RBM46: variants seen among roughly 807,000 people sequenced by gnomAD.
RBM46 encodes the protein probable RNA-binding protein 46.
RBM46 carries 12 observed loss-of-function variants against 43.3 expected under a neutral mutation model. The observed-to-expected ratio is 0.28, with a 90% CI of 0.18 to 0.45. The LOEUF is 0.45. Among genes scored for constraint, RBM46 ranks in the 20% least tolerant of loss-of-function variants. The probability of loss-of-function intolerance (pLI) is 1.00; values close to 1 mark genes in which losing one functional copy is unlikely to be tolerated. For synonymous variants in RBM46, 205 were observed against 207.6 expected (o/e 0.99, Z 0.11); for missense variants, 412 against 639.1 (o/e 0.64, Z 3.83).
chr4:154,817,291 A>G (rs1012005528), intron 4 of RBM46, among the ~76,000 whole-genome samples: 1 of 148,562 alleles, frequency 6.7e-6, no homozygotes, highest in African/African-American at 2.5e-5. Context: ...TCTCCTAAGT[A>G]TGGTTAGAGC....
chr4:154,817,879 TATTA>T (rs1365212906), intron 4 of RBM46, among the ~76,000 whole-genome samples: 2 of 152,110 alleles, frequency 1.3e-5, no homozygotes, highest in African/African-American at 4.8e-5. Flanking sequence ...TCTTTAGCTG[TATTA>T]GTTATTCAGT....
intron 1 of RBM46, chr4:154,790,400 A>C (rs759872123): frequency 8.5e-5 from 13 of 152,124 alleles, no homozygotes; most frequent in Non-Finnish European, 1.8e-4. Flanking sequence ...GGATTTTTGG[A>C]GCCAGGAGAG....
chr4:154,823,372 C>T (rs1169647941), intron 4 of RBM46, among the ~76,000 whole-genome samples: 2 of 151,572 alleles, frequency 1.3e-5, no homozygotes, highest in Non-Finnish European at 3.0e-5. Flanking sequence ...AAGTTGCACA[C>T]TTAAAGATAG....
chr4:154,809,293 C>T (rs1341167537), intron 4 of RBM46, among the ~76,000 whole-genome samples: 1 of 151,834 alleles, frequency 6.6e-6, no homozygotes, highest in Admixed American at 6.6e-5. Flanking sequence ...TTTCATCAAT[C>T]CTCTGAGGCC....
intron 4 of RBM46, among the ~76,000 whole-genome samples, chr4:154,806,276 G>A (rs1385257780): frequency 6.6e-6 from 1 of 151,750 alleles, no homozygotes; most frequent in East Asian, 1.9e-4. Flanking sequence ...TTAATAGAAT[G>A]ATTACCAGAA....
intron 4 of RBM46, among the ~76,000 whole-genome samples, chr4:154,801,377 G>A (rs993651615): frequency 1.3e-5 from 2 of 152,108 alleles, no homozygotes; most frequent in African/African-American, 4.8e-5. Flanking sequence ...TGGGGATTTA[G>A]CATCATTGAA....
chr4:154,795,446 T>C (rs1431146229), intron 1 of RBM46, among the ~76,000 whole-genome samples: 1 of 152,180 alleles, frequency 6.6e-6, no homozygotes, highest in Non-Finnish European at 1.5e-5. Context: ...ATTTTTTCTT[T>C]TGCCTTCTAA....
chr4:154,800,535 C>T (rs780656672), intron 4 of RBM46, among the ~76,000 whole-genome samples: 3 of 152,102 alleles, frequency 2.0e-5, no homozygotes, highest in African/African-American at 4.8e-5. Flanking sequence ...AAATATTTGA[C>T]GTTGTGAAGG....
At chr4:154,789,727 T>A (rs893091528) in intron 1 of RBM46, among the ~76,000 whole-genome samples, 1 of 152,170 alleles carries the variant, frequency 6.6e-6, no homozygotes, top group African/African-American at 2.4e-5. Flanking sequence ...TTCTATTGAT[T>A]GGAATAGTTT....
At chr4:154,809,101 A>G (rs965189186) in intron 4 of RBM46, among the ~76,000 whole-genome samples, 12 of 152,100 alleles carry the variant, frequency 7.9e-5, no homozygotes, top group African/African-American at 2.7e-4. Flanking sequence ...TGAAATACAT[A>G]TATGTATGTG....
At chr4:154,811,651 ATGTGTGTGTGTGTGTGTCTGTGTG>A (rs1262561439) in intron 4 of RBM46, among the ~76,000 whole-genome samples, 52 of 132,530 alleles carry the variant, frequency 3.9e-4, no homozygotes, top group Non-Finnish European at 6.6e-4. Flanking sequence ...TAGATAGGAT[ATGTGTGTGTGTGTGTGTCTGTGTG>A]TGTGTGTGTG....
chr4:154,808,311 T>C (rs1421974363), intron 4 of RBM46, among the ~76,000 whole-genome samples: 1 of 152,056 alleles, frequency 6.6e-6, no homozygotes, highest in African/African-American at 2.4e-5. Flanking sequence ...GCTTTACTTT[T>C]TCTTTTGTGC....
At chr4:154,826,730 TC>T in intron 4 of RBM46, 1 of 1,263,696 alleles carries the variant, frequency 7.9e-7, no homozygotes, top group East Asian at 2.6e-5. Context: ...TAACTGATTT[TC>T]ATTTTTCCTT....
Position 154,827,867 on chromosome 4 carries a change from G to A in RBM46, c.1403-1G>A, listed in dbSNP as rs184970261. On this transcript the variant is annotated splice_acceptor_variant, in intron 4 of 4. Transcript: ENST00000281722. LOFTEE classifies it high-confidence loss of function. ...ATAATTGTTCATGTATTTATTTACA[G>A]ACTACAATTTCCATCGCAGCTCAAT... 6 of 1,613,568 alleles carry A rather than the reference G, an allele frequency of 3.7e-6. No homozygotes were observed. Among genetic ancestry groups the A allele is most frequent in the Non-Finnish European group, 5.1e-6 (6 of 1,179,584 alleles).
chr4:154,811,723 C>T (rs1412109465), intron 4 of RBM46, among the ~76,000 whole-genome samples: 1 of 150,352 alleles, frequency 6.7e-6, no homozygotes, highest in Admixed American at 6.7e-5. Flanking sequence ...CTGTGTCACC[C>T]AGGCTGGAGT....
At chr4:154,794,460 A>G (rs1322136190) in intron 1 of RBM46, among the ~76,000 whole-genome samples, 1 of 152,122 alleles carries the variant, frequency 6.6e-6, no homozygotes, top group Non-Finnish European at 1.5e-5. Context: ...GATTACAGGC[A>G]TAAGTGGTCT....
At chr4:154,781,810 T>C (rs1228895611) in intron 1 of RBM46, 5 of 152,552 alleles carry the variant, frequency 3.3e-5, no homozygotes, top group African/African-American at 1.2e-4. Flanking sequence ...TTCGTGTTAT[T>C]TTCCTGACAC....
chr4:154,822,621 G>T (rs1309372358), intron 4 of RBM46, among the ~76,000 whole-genome samples: 2 of 151,346 alleles, frequency 1.3e-5, no homozygotes, highest in Non-Finnish European at 3.0e-5. Flanking sequence ...GTGAAAGTAA[G>T]TTATTGAGAT....
chr4:154,790,037 T>C (rs1305396190), intron 1 of RBM46, among the ~76,000 whole-genome samples: 1 of 152,216 alleles, frequency 6.6e-6, no homozygotes, highest in Non-Finnish European at 1.5e-5. Context: ...TTATCATTTT[T>C]TATTGCATTT....
Sources: allele counts gnomAD v4.1 joint callset (sites outside exome capture counted in the v4.1 genomes callset), GRCh38; gene constraint gnomAD v4.1.1; transcripts MANE v1.5; gene names NCBI Gene and HGNC (gene_info 2026-07-23, HGNC 2026-07-21).